Variants in CEP192 observed in about 807,000 individuals in gnomAD.
CEP192 encodes centrosomal protein 192, also known as centrosomal protein of 192 kDa.
CEP192 carries 151 observed loss-of-function variants against 271.8 expected under a neutral mutation model. The ratio of observed to expected loss-of-function variants is 0.56; its 90% CI spans 0.49 to 0.64. The LOEUF is 0.64. CEP192 is among the 30% of genes least tolerant of loss of function. CEP192 has a pLI of 0.00. For synonymous variants in CEP192, 995 were observed against 1,076.5 expected (o/e 0.92, Z 1.48); for missense variants, 2,910 against 3,020.5 (o/e 0.96, Z 0.86).
chr18:13,042,454 A>G (rs1291616173), intron 15 of CEP192, 120 bp downstream of exon 15: 1 of 1,056,470 alleles, frequency 9.5e-7, no homozygotes, highest in Non-Finnish European at 1.4e-6. Context: ...TCCTGGCTTC[A>G]GATTTCTTGC....
chr18:13,030,575 A>C lies in CEP192; in HGVS notation c.1501A>C (p.Ser501Arg). 3.7e-6 allele frequency: 6 copies of C among 1,611,516 alleles called. No homozygotes were observed. Among genetic ancestry groups the C allele is most frequent in the Non-Finnish European group, 5.1e-6 (6 of 1,178,012 alleles). ...NSKQNLNVSLSDEMNEDFRSG... is the reference protein window; with the variant it reads ...NSKQNLNVSLRDEMNEDFRSG... ...CAAACAAAATTTAAATGTGTCTCTA[A>C]GTGATGAGATGAATGAAGACTTCAG... Residue 501 changes from serine (S) to arginine (R), a missense_variant, in exon 11 of 45, where the codon AGT (serine) becomes CGT (arginine). Ser to Arg is a moderately radical substitution (Grantham distance 110). Transcript: ENST00000506447.
intron 21 of CEP192, 149 bp from the exon 22 acceptor site, chr18:13,067,682 G>T (rs1392162554): frequency 1.8e-6 from 1 of 563,144 alleles, no homozygotes; most frequent in African/African-American, 1.9e-5. Flanking sequence ...TAGAAAATAA[G>T]CAATTGTTAA....
Position 13,068,075 on chromosome 18 carries a change from T to A in CEP192, c.4615-19T>A. ...TACACTGTTGGCTTTACTGAACTGA[T>A]TCTTGTATTTCTAAACAGAACGCTG... is the stretch of plus-strand genomic sequence containing the variant. On this transcript the variant is annotated intron_variant, in intron 22 of 44. Transcript: ENST00000506447. 6.2e-7 allele frequency: 1 copy of A among 1,613,818 alleles called. No homozygotes were observed.
At chr18:13,059,015 C>T (rs1165647542) in intron 20 of CEP192, 67 bp from the exon 21 acceptor site, 2 of 970,070 alleles carry the variant, frequency 2.1e-6, no homozygotes, top group African/African-American at 3.2e-5. Context: ...GAATCTTAAA[C>T]TAGGTGATTC....
At chr18:13,115,028 C>G (rs1263764534) in intron 42 of CEP192, among the ~76,000 whole-genome samples, 1 of 152,052 alleles carries the variant, frequency 6.6e-6, no homozygotes, top group Non-Finnish European at 1.5e-5. Context: ...AGGAGGATGC[C>G]TGGAAGGACA....
intron 30 of CEP192, among the ~76,000 whole-genome samples, chr18:13,080,433 CT>C (rs1004121736): frequency 6.6e-6 from 1 of 152,092 alleles, no homozygotes; most frequent in Non-Finnish European, 1.5e-5. Flanking sequence ...ATTTGGCTCT[CT>C]GTTTGTCTGT....
At chr18:13,109,360 A>G in intron 40 of CEP192, among the ~76,000 whole-genome samples, 1 of 152,214 alleles carries the variant, frequency 6.6e-6, no homozygotes, top group Non-Finnish European at 1.5e-5. Flanking sequence ...TCATGGATAT[A>G]AAGATGACAG....
chr18:13,121,722 G>T (rs2040669101), intron 44 of CEP192, among the ~76,000 whole-genome samples: 1 of 152,118 alleles, frequency 6.6e-6, no homozygotes, highest in South Asian at 2.1e-4. Context: ...CCCAGCTGAG[G>T]TGTTGTAGCT....
At chr18:13,053,539 G>A (rs2036916890) in intron 18 of CEP192, among the ~76,000 whole-genome samples, 1 of 152,192 alleles carries the variant, frequency 6.6e-6, no homozygotes, top group Admixed American at 6.5e-5. Context: ...GGCACTCCAG[G>A]AAGTTTAGAA....
intron 1 of CEP192, among the ~76,000 whole-genome samples, chr18:12,993,810 G>T (rs1421948010): frequency 6.6e-6 from 1 of 152,170 alleles, no homozygotes; most frequent in East Asian, 1.9e-4. Context: ...TTGACATGGG[G>T]ATTAGAAAAA....
intron 13 of CEP192, 83 bp downstream of exon 13, chr18:13,038,662 G>T: frequency 9.3e-7 from 1 of 1,075,194 alleles, no homozygotes. Context: ...ACTTTAAAAT[G>T]GAGATAGAAT....
intron 40 of CEP192, among the ~76,000 whole-genome samples, chr18:13,106,907 C>T (rs1427516687): frequency 6.6e-6 from 1 of 152,196 alleles, no homozygotes; most frequent in African/African-American, 2.4e-5. Context: ...TATAAAACAT[C>T]CACTGTAGCC....
At chr18:13,014,181 G>A (rs1001102418) in intron 5 of CEP192, among the ~76,000 whole-genome samples, 4 of 152,316 alleles carry the variant, frequency 2.6e-5, no homozygotes, top group South Asian at 2.1e-4. Context: ...TTTCAAGTGC[G>A]AGAGATGCTT....
At chr18:13,095,295 C>T (rs1007105422) in intron 34 of CEP192, among the ~76,000 whole-genome samples, 3 of 152,214 alleles carry the variant, frequency 2.0e-5, no homozygotes, top group African/African-American at 7.2e-5. Flanking sequence ...ATCCACCACA[C>T]CCAGCCTGTA....
Position 13,044,683 on chromosome 18 carries a change from T to C in CEP192, c.2067+2349T>C, listed in dbSNP as rs182701909. ...AGGGTTGTAATGTGTTATCTTTTGA[T>C]ATATCATTGGATTTGGCGTGTGCTA... On this transcript the variant is annotated intron_variant, in intron 15 of 44. Transcript: ENST00000506447. 2.4e-3 allele frequency among the ~76,000 whole-genome samples: 360 copies of C among 152,324 alleles called. 1 individual carries two copies. The highest frequency in any genetic ancestry group is 4.6e-3 in the Admixed American group (70 of 15,300).
intron 28 of CEP192, among the ~76,000 whole-genome samples, 158 bp downstream of exon 28, chr18:13,071,370 T>A (rs553402083): frequency 6.6e-6 from 1 of 152,190 alleles, no homozygotes; most frequent in African/African-American, 2.4e-5. Context: ...CTGATTCAGC[T>A]TTTCTTTAAC....
intron 44 of CEP192, 77 bp from the exon 45 acceptor site, chr18:13,124,555 C>G: frequency 5.0e-6 from 7 of 1,408,260 alleles, no homozygotes; most frequent in Non-Finnish European, 6.6e-6. Context: ...AACACCTGAG[C>G]CAGGCACTGT....
Position 13,049,690 on chromosome 18 carries a change from C to G in CEP192, c.2890+9C>G. 6.2e-7 allele frequency: 1 copy of G among 1,605,068 alleles called. No individual in the cohort carries two copies. Among genetic ancestry groups the G allele is most frequent in the Non-Finnish European group, 8.5e-7 (1 of 1,175,080 alleles). On this transcript the variant is annotated intron_variant, in intron 16 of 44. Transcript: ENST00000506447. ...CTCACCTAAAAATAGTGGTAAGTGT[C>G]TGAGTCGTTGGTCACATTCATAAAA...
rs756244143 is a variant in CEP192 at position 13,049,126 on chromosome 18, C to T, written c.2335C>T (p.Leu779Phe). 2 of 1,613,946 alleles carry T rather than the reference C, an allele frequency of 1.2e-6. No homozygotes were observed. The highest frequency in any genetic ancestry group is 1.1e-5 in the South Asian group (1 of 91,064). The change falls in exon 16 of 45, where the codon CTT becomes TTT. Residue 779 changes from leucine to phenylalanine, a missense_variant. Coordinates refer to ENST00000506447, the MANE Select transcript of CEP192 (RefSeq NM_032142.4). ...DLEKSNGSNA[L>F]DMEKYLKKTE... ...AGAAAAAAGTAATGGATCCAATGCACTTGATATGGAGAAATACCTTAAAAA... is the reference window on the plus strand; with the variant it reads ...AGAAAAAAGTAATGGATCCAATGCATTTGATATGGAGAAATACCTTAAAAA...
Sources: gnomAD v4.1 joint callset for allele counts (sites outside exome capture counted in the v4.1 genomes callset) on GRCh38, gnomAD v4.1.1 for gene constraint, MANE v1.5 for transcripts, NCBI Gene and HGNC (gene_info 2026-07-23, HGNC 2026-07-21) for gene names.